Variants in NDST3 observed in about 807,000 individuals in gnomAD.
NDST3 encodes the protein N-deacetylase and N-sulfotransferase 3.
In NDST3, 58 loss-of-function variants were observed where a neutral mutation model predicts 96.1. The ratio of observed to expected loss-of-function variants is 0.60; its 90% CI spans 0.49 to 0.75. NDST3 has a LOEUF of 0.75. Ranked by LOEUF, NDST3 falls within the 30% of genes least tolerant of loss-of-function variation. NDST3 has a pLI of 0.00. For missense variants in NDST3, 788 were observed against 1,034.2 expected (o/e 0.76, Z 3.27); for synonymous variants, 333 against 359.7 (o/e 0.93, Z 0.84).
At chr4:118,088,248 C>T (rs1038403434) in intron 2 of NDST3, among the ~76,000 whole-genome samples, 5 of 151,958 alleles carry the variant, frequency 3.3e-5, no homozygotes, top group African/African-American at 1.2e-4. Flanking sequence ...AAAATAATCA[C>T]TATTCAGAAT....
intron 8 of NDST3, among the ~76,000 whole-genome samples, chr4:118,230,218 C>CGA (rs1182008850): frequency 6.6e-6 from 1 of 152,128 alleles, no homozygotes; most frequent in Non-Finnish European, 1.5e-5. Flanking sequence ...CATAGTTATT[C>CGA]TAAGTCAGTG....
chr4:118,060,480 G>A (rs1278346583), intron 2 of NDST3, among the ~76,000 whole-genome samples: 2 of 151,866 alleles, frequency 1.3e-5, no homozygotes, highest in East Asian at 3.9e-4. Flanking sequence ...CAGCTCCTAG[G>A]TGAACTTTGC....
At chr4:118,247,205 T>TC (rs1420636697) in intron 12 of NDST3, among the ~76,000 whole-genome samples, 1 of 20,162 alleles carries the variant, frequency 5.0e-5, no homozygotes, top group East Asian at 1.6e-3. Flanking sequence ...CCAGGGGGGT[T>TC]TAAAAAAAAA....
intron 8 of NDST3, among the ~76,000 whole-genome samples, chr4:118,228,941 A>G (rs555751108): frequency 6.6e-6 from 1 of 152,192 alleles, no homozygotes; most frequent in Non-Finnish European, 1.5e-5. Flanking sequence ...TTTTTAATTA[A>G]AGTAGTTTCT....
chr4:118,216,345 A>C (rs560084483), intron 6 of NDST3, among the ~76,000 whole-genome samples: 2 of 152,254 alleles, frequency 1.3e-5, no homozygotes, highest in South Asian at 4.1e-4. Flanking sequence ...TGTAAATAAG[A>C]AATGATGTTT....
intron 4 of NDST3, among the ~76,000 whole-genome samples, chr4:118,115,421 C>T (rs974052584): frequency 1.3e-5 from 2 of 152,054 alleles, no homozygotes; most frequent in Non-Finnish European, 2.9e-5. Context: ...ATTTTAGATA[C>T]GTCCTGAAAT....
chr4:118,115,660 TTAAA>T (rs1216793955), intron 4 of NDST3, among the ~76,000 whole-genome samples: 1 of 152,112 alleles, frequency 6.6e-6, no homozygotes, highest in Admixed American at 6.5e-5. Context: ...TAGTAAAAGT[TTAAA>T]TAAGCACATT....
intron 2 of NDST3, among the ~76,000 whole-genome samples, chr4:118,071,969 T>A (rs1284842050): frequency 6.6e-6 from 1 of 152,062 alleles, no homozygotes; most frequent in Non-Finnish European, 1.5e-5. Context: ...TATCTCATTG[T>A]GGTTTTTATT....
chr4:118,132,599 C>T (rs909758764), intron 4 of NDST3, among the ~76,000 whole-genome samples: 6 of 152,074 alleles, frequency 3.9e-5, no homozygotes, highest in Non-Finnish European at 7.4e-5. Flanking sequence ...AACAAAGTCC[C>T]CTTTACTTTT....
chr4:118,042,276 T>A (rs143915193), intron 1 of NDST3, among the ~76,000 whole-genome samples: 1 of 152,298 alleles, frequency 6.6e-6, no homozygotes, highest in East Asian at 1.9e-4. Context: ...CAACCATAAT[T>A]TAACAGTAAG....
rs770653780 is a variant in NDST3, at chr4:118,054,196, A to G, written c.286A>G (p.Ile96Val). ...GTACTCATCTCTTGGTCAAGACATC[A>G]TTATGATTCTAGAATCAAGTAGATT... ...SQYSSLGQDI[I>V]MILESSRFQY... Residue 96 changes from isoleucine (I) to valine (V), a missense_variant, in exon 2 of 14, where the codon ATT becomes GTT. By Grantham distance (29) the Ile-to-Val change is conservative (BLOSUM62 3). Around this residue, in one of 3 missense-constraint regions of NDST3, gnomAD observed 234 missense variants for 256.9 expected, o/e 0.91. Transcript: ENST00000296499. 2.5e-6 allele frequency: 4 copies of G among 1,613,116 alleles called. No homozygotes were observed. Among genetic ancestry groups the G allele is most frequent in the Admixed American group, 1.7e-5 (1 of 59,830 alleles).
intron 2 of NDST3, among the ~76,000 whole-genome samples, chr4:118,095,512 G>A (rs1729225142): frequency 6.6e-6 from 1 of 151,270 alleles, no homozygotes; most frequent in Admixed American, 6.6e-5. Flanking sequence ...TAAAATTCAG[G>A]AGAAAATATG....
intron 6 of NDST3, among the ~76,000 whole-genome samples, chr4:118,215,494 T>C (rs1739139235): frequency 6.6e-6 from 1 of 151,694 alleles, no homozygotes; most frequent in Non-Finnish European, 1.5e-5. Flanking sequence ...AGGTGAGGAG[T>C]AAAGTCAGCA....
chr4:118,243,206 T>C (rs1313657568), intron 12 of NDST3, among the ~76,000 whole-genome samples: 2 of 152,094 alleles, frequency 1.3e-5, no homozygotes, highest in East Asian at 3.9e-4. Flanking sequence ...TAGTTTTCCC[T>C]TTTTTTGTAC....
intron 11 of NDST3, 61 bp from the exon 12 acceptor site, chr4:118,241,979 T>C (rs1741036539): frequency 2.4e-6 from 3 of 1,234,930 alleles, no homozygotes; most frequent in Non-Finnish European, 2.4e-6. Context: ...AATGCAGAAA[T>C]TTTTCATTAT....
chr4:118,166,270 T>C (rs1425856709), intron 6 of NDST3, among the ~76,000 whole-genome samples: 2 of 151,866 alleles, frequency 1.3e-5, no homozygotes, highest in African/African-American at 4.8e-5. Flanking sequence ...GTCTATAATG[T>C]ACAATTATAC....
At chr4:118,222,968 A>C (rs1280919065) in intron 6 of NDST3, among the ~76,000 whole-genome samples, 2 of 152,038 alleles carry the variant, frequency 1.3e-5, no homozygotes, top group Non-Finnish European at 2.9e-5. Context: ...TATTCAAGTG[A>C]AATATGACAC....
chr4:118,045,850 A>G (rs1201181595), intron 1 of NDST3, among the ~76,000 whole-genome samples: 1 of 152,098 alleles, frequency 6.6e-6, no homozygotes. Flanking sequence ...CTTATGTAGA[A>G]TCACAGGACC....
At chr4:118,065,050 T>C (rs1031278843) in intron 2 of NDST3, among the ~76,000 whole-genome samples, 1 of 152,148 alleles carries the variant, frequency 6.6e-6, no homozygotes, top group South Asian at 2.1e-4. Flanking sequence ...AATCTCCCCA[T>C]ATCAAAGTCC....
Sources: allele counts gnomAD v4.1 joint callset (sites outside exome capture counted in the v4.1 genomes callset), GRCh38; gene constraint gnomAD v4.1.1; regional missense constraint gnomAD v4.1.1; transcripts MANE v1.5; gene names NCBI Gene and HGNC (gene_info 2026-07-23, HGNC 2026-07-21).